TRPM6: variants seen among roughly 807,000 people sequenced by gnomAD.
TRPM6 encodes the protein transient receptor potential cation channel subfamily M member 6.
In TRPM6, 111 loss-of-function variants were observed where a neutral mutation model predicts 247.6. The ratio of observed to expected loss-of-function variants is 0.45; its 90% confidence interval spans 0.38 to 0.52. The LOEUF (loss-of-function observed/expected upper bound fraction) is 0.52. Ranked by LOEUF, TRPM6 falls within the 20% of genes least tolerant of loss-of-function variation. TRPM6 has a pLI of 0.00. For missense variants in TRPM6, 2,126 were observed against 2,421.5 expected (o/e 0.88, Z 2.56); for synonymous variants, 892 against 853.8 (o/e 1.04, Z -0.78).
chr9:74,867,968 C>T (rs1477364548), intron 1 of TRPM6, among the ~76,000 whole-genome samples: 1 of 151,850 alleles, frequency 6.6e-6, no homozygotes, highest in African/African-American at 2.4e-5. Context: ...GCCTGGCCAA[C>T]ATGGCGAAAC....
At chr9:74,768,325 C>T (rs1444251916) in intron 25 of TRPM6, among the ~76,000 whole-genome samples, 1 of 152,184 alleles carries the variant, frequency 6.6e-6, no homozygotes, top group Non-Finnish European at 1.5e-5. Context: ...GGCATAATCG[C>T]TTCCTCTGTC....
At chr9:74,741,280 C>T (rs1825854794) in intron 33 of TRPM6, among the ~76,000 whole-genome samples, 1 of 151,946 alleles carries the variant, frequency 6.6e-6, no homozygotes, top group Non-Finnish European at 1.5e-5. Context: ...TTCTGTCCAG[C>T]CCCAGCTGGT....
intron 37 of TRPM6, among the ~76,000 whole-genome samples, chr9:74,731,664 A>AT (rs1406086667): frequency 6.7e-6 from 1 of 149,560 alleles, no homozygotes; most frequent in Non-Finnish European, 1.5e-5. Context: ...AAAATTTCAG[A>AT]TTTTATTGAT....
intron 19 of TRPM6, among the ~76,000 whole-genome samples, chr9:74,791,432 TTAGAAAAATAAATGC>T (rs2118969966): frequency 6.6e-6 from 1 of 152,202 alleles, no homozygotes; most frequent in South Asian, 2.1e-4. Flanking sequence ...TAGATAAGCA[TTAGAAAAATAAATGC>T]TATGGGAGCA....
intron 3 of TRPM6, among the ~76,000 whole-genome samples, chr9:74,850,317 A>C (rs1830258411): frequency 6.6e-6 from 1 of 152,164 alleles, no homozygotes. Flanking sequence ...AGTTATAGTG[A>C]GGCGAGATTG....
intron 23 of TRPM6, among the ~76,000 whole-genome samples, chr9:74,778,727 T>A (rs1827313221): frequency 6.6e-6 from 1 of 152,090 alleles, no homozygotes; most frequent in South Asian, 2.1e-4. Flanking sequence ...CACTCAAAAT[T>A]GACCCACACC....
rs1826669212 is a variant in TRPM6, at chr9:74,762,190, G to A, written c.4481C>T (p.Ala1494Val). Residue 1494 changes from alanine to valine, a missense_variant, in exon 26 of 39, where the codon GCC (alanine) becomes GTC (valine). Ala to Val is a moderately conservative substitution (Grantham distance 64, BLOSUM62 0). Coordinates refer to ENST00000360774, the MANE Select transcript of TRPM6 (RefSeq NM_017662.5). ...SSRSEQHQKQAQDSSLSDNST... is the reference protein window; with the variant it reads ...SSRSEQHQKQVQDSSLSDNST... ...GTTATCAGATAGGGAGCTGTCCTGG[G>A]CCTGCTTCTGGTGCTGTTCACTCCG... The A allele has an allele frequency of 6.2e-7, 1 of 1,614,052 alleles. No homozygotes were observed. Among genetic ancestry groups the A allele is most frequent in the African/African-American group, 1.3e-5 (1 of 74,926 alleles).
intron 1 of TRPM6, among the ~76,000 whole-genome samples, chr9:74,885,842 A>G (rs781518738): frequency 2.0e-5 from 3 of 152,176 alleles, no homozygotes; most frequent in Admixed American, 1.3e-4. Flanking sequence ...GGGAGGCCAA[A>G]GAGGATTGCT....
In TRPM6 at chr9:74,753,468, G is replaced by A. The variant is rs144038924; in HGVS notation, c.4907-1100C>T. 1.3e-3 allele frequency among the ~76,000 whole-genome samples: 192 copies of A among 152,262 alleles called. 1 individual carries two copies. The highest frequency in any genetic ancestry group is 4.4e-3 in the African/African-American group (181 of 41,564). On this transcript the variant is annotated intron_variant, in intron 28 of 38. Transcript: ENST00000360774. Reference sequence around the variant, plus strand: ...CCTAGCACTTTAGGAGGCCAAGACAGGAGCATCACTTGAGGACAGGAGTTT... The same window carrying A: ...CCTAGCACTTTAGGAGGCCAAGACAAGAGCATCACTTGAGGACAGGAGTTT...
rs570167744 is a variant in TRPM6 at position 74,733,216 on chromosome 9, A to AT, written c.5777-481_5777-480insA. ...AACTCTATCTCAAAGAAAAAAAAAAAGCACGTAAAAAAAATCTGTACTTGT... is the reference window on the plus strand; with the variant it reads ...AACTCTATCTCAAAGAAAAAAAAAAATGCACGTAAAAAAAATCTGTACTTGT... On this transcript the variant is annotated intron_variant, in intron 36 of 38. Transcript: ENST00000360774. Among the ~76,000 whole-genome samples, 590 of 152,198 alleles carry AT rather than the reference A, an allele frequency of 3.9e-3. 3 individuals carry two copies. The highest frequency in any genetic ancestry group is 0.013 in the African/African-American group (555 of 41,538).
At chr9:74,833,260 G>A (rs1170041166) in intron 6 of TRPM6, among the ~76,000 whole-genome samples, 1 of 152,068 alleles carries the variant, frequency 6.6e-6, no homozygotes, top group East Asian at 1.9e-4. Flanking sequence ...AATATTAACA[G>A]TAGTCATCTT....
chr9:74,755,617 C>T (rs1402138102), intron 27 of TRPM6, 144 bp from the exon 28 acceptor site: 1 of 1,036,046 alleles, frequency 9.7e-7, no homozygotes, highest in Admixed American at 1.8e-5. Context: ...TGACAAATCC[C>T]ATCACTTAGG....
intron 19 of TRPM6, among the ~76,000 whole-genome samples, chr9:74,789,092 C>T (rs1302595023): frequency 6.6e-6 from 1 of 152,174 alleles, no homozygotes; most frequent in Admixed American, 6.5e-5. Flanking sequence ...GTCTTCCCCT[C>T]CATCTTAAAC....
intron 19 of TRPM6, among the ~76,000 whole-genome samples, chr9:74,789,796 C>T (rs146619239): frequency 0.013 from 1,968 of 151,890 alleles, 45 homozygotes; most frequent in African/African-American, 0.046. Context: ...CCCGTCTCTA[C>T]TAAAAATACA....
At chr9:74,735,746 GA>G (rs1329265406) in intron 36 of TRPM6, among the ~76,000 whole-genome samples, 3 of 152,082 alleles carry the variant, frequency 2.0e-5, no homozygotes, top group Non-Finnish European at 4.4e-5. Context: ...TTTTTAAGTG[GA>G]AAGAGAGCAA....
At chr9:74,771,619 A>T in intron 25 of TRPM6, 84 bp downstream of exon 25, 1 of 1,386,918 alleles carries the variant, frequency 7.2e-7, no homozygotes, top group Non-Finnish European at 1.0e-6. Context: ...CTGGGATTTG[A>T]AAGATCTTTC....
intron 17 of TRPM6, among the ~76,000 whole-genome samples, chr9:74,798,532 C>G (rs1587517908): frequency 6.6e-6 from 1 of 152,146 alleles, no homozygotes. Context: ...CATTGCAGAA[C>G]AGCTGGCTTA....
At chr9:74,754,746 G>T (rs1826378266) in intron 28 of TRPM6, among the ~76,000 whole-genome samples, 1 of 152,146 alleles carries the variant, frequency 6.6e-6, no homozygotes, top group African/African-American at 2.4e-5. Context: ...TCTAATGCAA[G>T]AAGTCCAAAG....
intron 25 of TRPM6, among the ~76,000 whole-genome samples, chr9:74,768,399 A>T (rs1826901797): frequency 6.6e-6 from 1 of 152,194 alleles, no homozygotes; most frequent in African/African-American, 2.4e-5. Context: ...TAAGCAGATG[A>T]GCTCCTCCAC....
Sources: gnomAD v4.1 joint callset for allele counts (sites outside exome capture counted in the v4.1 genomes callset) on GRCh38, gnomAD v4.1.1 for gene constraint, MANE v1.5 for transcripts, NCBI Gene and HGNC (gene_info 2026-07-23, HGNC 2026-07-21) for gene names.